Variants in TFEC observed in about 807,000 individuals in gnomAD.
The protein encoded by TFEC is transcription factor EC.
Under a neutral mutation model 41.6 loss-of-function variants are expected in TFEC, and 31 were observed. The ratio of observed to expected loss-of-function variants is 0.74; its 90% CI spans 0.56 to 1.01. TFEC has a LOEUF of 1.01. TFEC is among the 50% of genes least tolerant of loss of function. The pLI is 0.00. For synonymous variants in TFEC, 143 were observed against 140.6 expected, an observed-to-expected ratio of 1.02 and a Z score of -0.12; for missense variants, 402 against 404.1, an observed-to-expected ratio of 0.99 and a Z score of 0.04.
chr7:116,155,111 C>G lies in TFEC; in HGVS notation c.-69+4679G>C, dbSNP rs76598031. On this transcript the variant is annotated intron_variant, in intron 1 of 8. Coordinates refer to the TFEC transcript ENST00000484212. ...TGTAACCAATTCTCTCTATTAGATT[C>G]ACTCTCCTTGAAAGACCTAGTACGA... Among the ~76,000 whole-genome samples the G allele has an allele frequency of 4.4e-4, 67 of 152,314 alleles. 1 individual carries two copies. The East Asian group carries it at 9.7e-3, about 22-fold the overall frequency.
intron 1 of TFEC, among the ~76,000 whole-genome samples, chr7:115,999,190 C>A (rs1375650227): frequency 6.6e-6 from 1 of 151,888 alleles, no homozygotes; most frequent in African/African-American, 2.4e-5. Context: ...CAAAAGGAAT[C>A]TTGGAAACTA....
chr7:115,974,022 T>C, intron 3 of TFEC, 148 bp downstream of exon 3: 1 of 586,924 alleles, frequency 1.7e-6, no homozygotes, highest in East Asian at 3.2e-5. Flanking sequence ...CCTTTTTTTC[T>C]GCACCAATAA....
At chr7:116,096,228 T>G (rs1458134357) in intron 3 of TFEC, among the ~76,000 whole-genome samples, 1 of 152,006 alleles carries the variant, frequency 6.6e-6, no homozygotes, top group Non-Finnish European at 1.5e-5. Flanking sequence ...CCCCTATAAC[T>G]ACTTGTCTTG....
chr7:116,048,516 G>C (rs1162059947), intron 3 of TFEC, among the ~76,000 whole-genome samples: 1 of 152,214 alleles, frequency 6.6e-6, no homozygotes, highest in African/African-American at 2.4e-5. Context: ...TGGTGTACCT[G>C]AAAGTGACAG....
chr7:115,974,149 C>T (rs1793261354), intron 3 of TFEC, 21 bp downstream of exon 3: 2 of 1,572,830 alleles, frequency 1.3e-6, no homozygotes, highest in East Asian at 2.3e-5. Context: ...CAATGACCTT[C>T]TTGGGTCTGA....
At chr7:115,956,090 C>T (rs893319560) in intron 4 of TFEC, among the ~76,000 whole-genome samples, 1 of 151,834 alleles carries the variant, frequency 6.6e-6, no homozygotes, top group South Asian at 2.1e-4. Context: ...CTCCTTTGAC[C>T]CTGGGTTGAT....
chr7:116,034,664 ACACT>A (rs1340415225), upstream of TFEC, among the ~76,000 whole-genome samples: 4 of 148,962 alleles, frequency 2.7e-5, no homozygotes, highest in African/African-American at 4.9e-5. Flanking sequence ...TGTTACACAC[ACACT>A]AACACGCACA....
chr7:116,098,264 A>T (rs1035826229), intron 3 of TFEC, among the ~76,000 whole-genome samples: 2 of 151,998 alleles, frequency 1.3e-5, no homozygotes, highest in African/African-American at 4.8e-5. Context: ...GGTGCAAGCG[A>T]TTCTCCTGCC....
At chr7:116,028,808 T>A (rs1471686474) in intron 1 of TFEC, among the ~76,000 whole-genome samples, 2 of 152,240 alleles carry the variant, frequency 1.3e-5, no homozygotes, top group Non-Finnish European at 2.9e-5. Flanking sequence ...TTGAGTTATA[T>A]TTCACTAGTT....
intron 6 of TFEC, among the ~76,000 whole-genome samples, chr7:115,944,049 A>G (rs957839967): frequency 8.4e-5 from 2 of 23,816 alleles, no homozygotes; most frequent in African/African-American, 2.3e-4. Flanking sequence ...TTGCTTCAAC[A>G]TTTTGTGACT....
At chr7:116,005,743 G>A (rs750243938) in intron 1 of TFEC, among the ~76,000 whole-genome samples, 9 of 152,188 alleles carry the variant, frequency 5.9e-5, no homozygotes, top group South Asian at 2.1e-4. Context: ...TCACCAAGAC[G>A]ATGGGGAAAA....
chr7:116,036,558 A>AT (rs891500561), intron 3 of TFEC, among the ~76,000 whole-genome samples: 1 of 152,056 alleles, frequency 6.6e-6, no homozygotes, highest in Non-Finnish European at 1.5e-5. Flanking sequence ...ACTATGCCTT[A>AT]ATGTTCTTTA....
intron 3 of TFEC, among the ~76,000 whole-genome samples, chr7:116,042,924 G>A (rs1395680291): frequency 6.6e-6 from 1 of 152,130 alleles, no homozygotes; most frequent in Non-Finnish European, 1.5e-5. Context: ...TCCTTACATT[G>A]AGAGAGATGA....
At chr7:115,967,124 T>C (rs1249037660) in intron 3 of TFEC, among the ~76,000 whole-genome samples, 1 of 151,586 alleles carries the variant, frequency 6.6e-6, no homozygotes, top group Non-Finnish European at 1.5e-5. Context: ...ATAATTTCAT[T>C]ATAAATACAA....
intron 6 of TFEC, among the ~76,000 whole-genome samples, chr7:115,948,449 A>G (rs1046711363): frequency 8.5e-5 from 13 of 152,208 alleles, no homozygotes; most frequent in African/African-American, 3.1e-4. Context: ...AAAATCCTCA[A>G]TAAAATACTG....
At chr7:116,034,524 C>A (rs963957756), upstream of TFEC, among the ~76,000 whole-genome samples, 4 of 152,000 alleles carry the variant, frequency 2.6e-5, no homozygotes, top group Non-Finnish European at 5.9e-5. Context: ...CTCCTGTGAG[C>A]TCACCTTCAA....
At chr7:116,083,111 A>T (rs1040664262) in intron 3 of TFEC, among the ~76,000 whole-genome samples, 1 of 151,918 alleles carries the variant, frequency 6.6e-6, no homozygotes, top group African/African-American at 2.4e-5. Context: ...GAAAATATTT[A>T]AAATTCTAAA....
intron 3 of TFEC, among the ~76,000 whole-genome samples, chr7:116,093,974 C>T (rs1211104808): frequency 6.6e-6 from 1 of 152,098 alleles, no homozygotes; most frequent in Non-Finnish European, 1.5e-5. Flanking sequence ...CCATTTTCCC[C>T]AGGCTGCACA....
At chr7:116,145,690 T>C (rs1798627521) in intron 1 of TFEC, among the ~76,000 whole-genome samples, 1 of 152,166 alleles carries the variant, frequency 6.6e-6, no homozygotes, top group South Asian at 2.1e-4. Context: ...ACCCAAGTTA[T>C]TTTGGATTAA....
Sources: allele counts gnomAD v4.1 joint callset (sites outside exome capture counted in the v4.1 genomes callset), GRCh38; gene constraint gnomAD v4.1.1; transcripts MANE v1.5; gene names NCBI Gene and HGNC (gene_info 2026-07-23, HGNC 2026-07-21).